The following DNAH3 variants were observed in gnomAD, a reference collection of about 807,000 sequenced individuals.
The protein encoded by DNAH3 is axonemal beta dynein heavy chain 3.
Under a neutral mutation model 432.5 loss-of-function variants are expected in DNAH3, and 332 were observed. That is an observed-to-expected ratio of 0.77 (90% CI 0.70 to 0.84). DNAH3 has a LOEUF of 0.84. Among genes scored for constraint, DNAH3 ranks in the 40% least tolerant of loss-of-function variants. The pLI, the probability that DNAH3 is intolerant of heterozygous loss-of-function variation, is 0.00. For missense variants in DNAH3, 4,861 were observed against 5,114.0 expected, an observed-to-expected ratio of 0.95 and a Z score of 1.51; for synonymous variants, 1,956 against 1,900.2, an observed-to-expected ratio of 1.03 and a Z score of -0.76.
At chr16:21,156,205 T>A (rs558948935) in intron 1 of DNAH3, among the ~76,000 whole-genome samples, 30 of 135,726 alleles carry the variant, frequency 2.2e-4, no homozygotes, top group East Asian at 1.2e-3. Context: ...ATTTTATTTA[T>A]TTTATTTTAT....
At chr16:20,951,523 C>T (rs1331409508) in intron 56 of DNAH3, among the ~76,000 whole-genome samples, 1 of 151,186 alleles carries the variant, frequency 6.6e-6, no homozygotes, top group African/African-American at 2.4e-5. Context: ...GAGCTCACCG[C>T]ACCTCCACAT....
intron 12 of DNAH3, among the ~76,000 whole-genome samples, chr16:21,112,834 T>C (rs999703015): frequency 1.3e-5 from 2 of 152,150 alleles, no homozygotes; most frequent in African/African-American, 4.8e-5. Flanking sequence ...GGAGATCATT[T>C]TGGAGCTTTA....
At chr16:21,106,431 A>G in intron 15 of DNAH3, 59 bp downstream of exon 15, 1 of 1,317,408 alleles carries the variant, frequency 7.6e-7, no homozygotes, top group Non-Finnish European at 1.0e-6. Flanking sequence ...TTATATATAC[A>G]AATATAAAAT....
At chr16:21,122,315 G>A (rs1488575119) in intron 9 of DNAH3, among the ~76,000 whole-genome samples, 191 bp from the exon 11 acceptor site, 1 of 152,158 alleles carries the variant, frequency 6.6e-6, no homozygotes, top group African/African-American at 2.4e-5. Flanking sequence ...AGCACTTTGG[G>A]AGGCCGAGAC....
intron 44 of DNAH3, among the ~76,000 whole-genome samples, chr16:20,988,559 C>T (rs546720048): frequency 1.3e-5 from 2 of 152,320 alleles, no homozygotes; most frequent in East Asian, 3.9e-4. Flanking sequence ...GGACTACAGG[C>T]CTCCCAGAGT....
At chr16:21,051,612 G>T in intron 29 of DNAH3, 58 bp downstream of exon 29, 1 of 1,562,056 alleles carries the variant, frequency 6.4e-7, no homozygotes, top group Non-Finnish European at 8.8e-7. Context: ...CCTCCCCAGA[G>T]TCTTCTTCCC....
chr16:21,152,629 C>T (rs1162546471), intron 1 of DNAH3, among the ~76,000 whole-genome samples: 2 of 152,246 alleles, frequency 1.3e-5, no homozygotes, highest in Non-Finnish European at 2.9e-5. Flanking sequence ...GGGCTGCGCA[C>T]GGCGCTTGCG....
intron 31 of DNAH3, among the ~76,000 whole-genome samples, chr16:21,044,348 T>C (rs1303992721): frequency 4.0e-5 from 6 of 151,704 alleles, no homozygotes; most frequent in African/African-American, 1.5e-4. Context: ...TTTTATTTTG[T>C]TGAGCAGTGG....
chr16:20,969,231 T>C (rs2085211254), intron 52 of DNAH3, among the ~76,000 whole-genome samples: 1 of 152,008 alleles, frequency 6.6e-6, no homozygotes, highest in African/African-American at 2.4e-5. Context: ...TGTTCGTGCA[T>C]GGCTCTGTGT....
At chr16:21,069,985 T>A (rs2090721971) in intron 22 of DNAH3, among the ~76,000 whole-genome samples, 1 of 152,218 alleles carries the variant, frequency 6.6e-6, no homozygotes. Context: ...TTTAGTAATG[T>A]GCCCAAGGTC....
chr16:20,967,992 G>T (rs887199123), intron 52 of DNAH3, among the ~76,000 whole-genome samples: 1 of 152,148 alleles, frequency 6.6e-6, no homozygotes, highest in Non-Finnish European at 1.5e-5. Context: ...CTTTATGTGA[G>T]TTTAGGCCTG....
chr16:20,935,228 T>C, intron 61 of DNAH3, 120 bp downstream of exon 61: 2 of 1,159,194 alleles, frequency 1.7e-6, no homozygotes, highest in Non-Finnish European at 2.5e-6. Context: ...ATGCTTCATA[T>C]GTACCATTTC....
chr16:21,146,675 C>A (rs2092788177), intron 1 of DNAH3, among the ~76,000 whole-genome samples: 1 of 152,146 alleles, frequency 6.6e-6, no homozygotes, highest in African/African-American at 2.4e-5. Flanking sequence ...TGCTGTACAA[C>A]AGATCTCTTG....
intron 14 of DNAH3, among the ~76,000 whole-genome samples, chr16:21,109,652 T>A (rs1004939429): frequency 6.6e-6 from 1 of 152,132 alleles, no homozygotes; most frequent in Non-Finnish European, 1.5e-5. Flanking sequence ...CAGGCTGGAG[T>A]GCAGCGCCTC....
At chr16:21,027,405 T>G (rs2088626471) in intron 37 of DNAH3, among the ~76,000 whole-genome samples, 1 of 152,172 alleles carries the variant, frequency 6.6e-6, no homozygotes, top group Non-Finnish European at 1.5e-5. Context: ...GAGAAAAATT[T>G]AGTAGAAGAG....
chr16:21,039,169 T>C (rs1235614494), intron 33 of DNAH3, among the ~76,000 whole-genome samples: 3 of 152,112 alleles, frequency 2.0e-5, no homozygotes, highest in Non-Finnish European at 4.4e-5. Flanking sequence ...ATTAATAATT[T>C]TTCCTCTTCA....
chr16:20,986,080 TCC>T (rs939496242), intron 47 of DNAH3, among the ~76,000 whole-genome samples: 2 of 151,962 alleles, frequency 1.3e-5, no homozygotes, highest in Admixed American at 6.6e-5. Flanking sequence ...GTCCTGAAAC[TCC>T]TGATATCAGG....
intron 20 of DNAH3, among the ~76,000 whole-genome samples, chr16:21,077,171 T>A (rs1458571883): frequency 2.0e-5 from 3 of 152,160 alleles, no homozygotes; most frequent in South Asian, 2.1e-4. Flanking sequence ...TCTTTTATTT[T>A]TTTTTCCCCC....
Position 21,079,082 on chromosome 16 carries a change from T to G in DNAH3, c.2969+2554A>C, listed in dbSNP as rs538935170. ...CATGGAAAGTATAAGAATAGCTGTATGTTTATTTGCTCATTCACTGTCTCT... is the reference window on the plus strand; with the variant it reads ...CATGGAAAGTATAAGAATAGCTGTAGGTTTATTTGCTCATTCACTGTCTCT... On this transcript the variant is annotated intron_variant, in intron 20 of 61. Coordinates refer to ENST00000261383, the Ensembl canonical transcript of DNAH3. Among the ~76,000 whole-genome samples the G allele has an allele frequency of 2.6e-5, 4 of 152,372 alleles. No homozygotes were observed. In the South Asian group the frequency reaches 8.3e-4, roughly 32 times the overall value.
Sources: allele counts gnomAD v4.1 joint callset (sites outside exome capture counted in the v4.1 genomes callset), GRCh38; gene constraint gnomAD v4.1.1; transcripts MANE v1.5; gene names NCBI Gene and HGNC (gene_info 2026-07-23, HGNC 2026-07-21).